The following AKAP19 variants were observed in gnomAD, a reference collection of about 807,000 sequenced individuals.
The protein encoded by AKAP19 is A-kinase anchoring protein 19.
the AKAP19 span, among the ~76,000 whole-genome samples, chr2:190,147,761 T>C: frequency 1.3e-5 from 2 of 152,100 alleles, no homozygotes; most frequent in East Asian, 3.9e-4. Flanking sequence ...TTGTTGTTGT[T>C]GTTGGAGCTA....
chr2:190,004,922 C>T, the AKAP19 span, among the ~76,000 whole-genome samples: 1 of 152,192 alleles, frequency 6.6e-6, no homozygotes, highest in African/African-American at 2.4e-5. Flanking sequence ...ACTGTGTCCG[C>T]AATTCATTCC....
the AKAP19 span, among the ~76,000 whole-genome samples, chr2:190,194,113 A>C: frequency 6.6e-6 from 1 of 152,174 alleles, no homozygotes. Context: ...TGGGGTGGTT[A>C]GAAATTGTAC....
the AKAP19 span, among the ~76,000 whole-genome samples, chr2:190,040,238 C>G: frequency 6.6e-6 from 1 of 152,138 alleles, no homozygotes; most frequent in African/African-American, 2.4e-5. Context: ...TGGTATCTCA[C>G]TGTGGCTTTG....
the AKAP19 span, among the ~76,000 whole-genome samples, chr2:189,900,798 C>T: frequency 1.3e-5 from 2 of 152,206 alleles, no homozygotes; most frequent in African/African-American, 2.4e-5. Flanking sequence ...TATGAAAATG[C>T]GTTGCAAGGG....
At chr2:190,115,215 G>A in the AKAP19 span, among the ~76,000 whole-genome samples, 1 of 114,818 alleles carries the variant, frequency 8.7e-6, no homozygotes, top group African/African-American at 3.3e-5. Context: ...GACAGAGAGA[G>A]AAGGAGAAGT....
the AKAP19 span, among the ~76,000 whole-genome samples, chr2:190,142,712 G>A: frequency 1.3e-5 from 2 of 152,224 alleles, no homozygotes; most frequent in Non-Finnish European, 2.9e-5. Flanking sequence ...CAGCGGGCTG[G>A]GGGAGGTCCC....
chr2:189,896,145 A>G, the AKAP19 span, among the ~76,000 whole-genome samples: 1 of 152,160 alleles, frequency 6.6e-6, no homozygotes, highest in Non-Finnish European at 1.5e-5. Context: ...TTCTTGAGAT[A>G]TACAAATATA....
the AKAP19 span, among the ~76,000 whole-genome samples, chr2:190,075,884 T>C: frequency 6.6e-6 from 1 of 152,160 alleles, no homozygotes; most frequent in Non-Finnish European, 1.5e-5. Flanking sequence ...ATCTGTTCTT[T>C]GTTCCATTTT....
the AKAP19 span, among the ~76,000 whole-genome samples, chr2:190,103,885 GCAAAAA>G: frequency 4.6e-5 from 7 of 152,062 alleles, no homozygotes; most frequent in Admixed American, 2.6e-4. Flanking sequence ...GCAATCCTAA[GCAAAAA>G]CAAAAACAAA....
the AKAP19 span, among the ~76,000 whole-genome samples, chr2:189,920,601 T>A: frequency 2.0e-5 from 3 of 152,306 alleles, no homozygotes; most frequent in Admixed American, 2.0e-4. Context: ...GGCCTGAGGG[T>A]ACCACTATTC....
chr2:190,128,901 G>A, the AKAP19 span, among the ~76,000 whole-genome samples: 1 of 152,196 alleles, frequency 6.6e-6, no homozygotes, highest in Non-Finnish European at 1.5e-5. Context: ...TATCATAGAA[G>A]ACTATGAATG....
At chr2:189,997,320 G>A in the AKAP19 span, among the ~76,000 whole-genome samples, 4 of 152,190 alleles carry the variant, frequency 2.6e-5, no homozygotes, top group Admixed American at 6.5e-5. Flanking sequence ...GGGTTTCTCA[G>A]GTGATGGATG....
chr2:190,192,736 T>A, the AKAP19 span, among the ~76,000 whole-genome samples: 1 of 152,150 alleles, frequency 6.6e-6, no homozygotes, highest in African/African-American at 2.4e-5. Flanking sequence ...CAAAATGCAG[T>A]TTTCCTTCAT....
At chr2:189,976,488 C>G in the AKAP19 span, among the ~76,000 whole-genome samples, 26 of 152,208 alleles carry the variant, frequency 1.7e-4, no homozygotes, top group Non-Finnish European at 3.4e-4. Flanking sequence ...GGGAGAACCA[C>G]TACTCTCTTC....
chr2:189,967,726 A>G, the AKAP19 span, among the ~76,000 whole-genome samples: 1 of 151,614 alleles, frequency 6.6e-6, no homozygotes, highest in Non-Finnish European at 1.5e-5. Flanking sequence ...AGGCAAGAGG[A>G]TCACTTGAGC....
chr2:189,885,387 G>A, the AKAP19 span, among the ~76,000 whole-genome samples: 1 of 152,196 alleles, frequency 6.6e-6, no homozygotes, highest in Non-Finnish European at 1.5e-5. Context: ...TATGTGTGGA[G>A]AAAGAGATAT....
the AKAP19 span, among the ~76,000 whole-genome samples, chr2:189,891,274 A>G: frequency 8.1e-6 from 1 of 123,240 alleles, no homozygotes; most frequent in Non-Finnish European, 1.6e-5. Context: ...CCCATGCTGG[A>G]GTGCAGTGGT....
At chr2:190,008,664 C>T in the AKAP19 span, among the ~76,000 whole-genome samples, 57 of 151,954 alleles carry the variant, frequency 3.8e-4, 1 homozygote, top group South Asian at 0.011. Context: ...ATTCACTGAG[C>T]ACCTCCTTTG....
chr2:190,109,761 C>A, the AKAP19 span, among the ~76,000 whole-genome samples: 5 of 152,270 alleles, frequency 3.3e-5, no homozygotes, highest in Non-Finnish European at 4.4e-5. Context: ...TCTAAAGAAA[C>A]CTATAACTTC....
Sources: allele counts gnomAD v4.1 joint callset (sites outside exome capture counted in the v4.1 genomes callset), GRCh38; gene constraint gnomAD v4.1.1; transcripts MANE v1.5; gene names NCBI Gene and HGNC (gene_info 2026-07-23, HGNC 2026-07-21).